The following LFNG variants were observed in gnomAD, a reference collection of about 807,000 sequenced individuals.
The protein encoded by LFNG is LFNG O-fucosylpeptide 3-beta-N-acetylglucosaminyltransferase.
LFNG carries 15 observed loss-of-function variants against 32.7 expected under a neutral mutation model. That is an observed-to-expected ratio of 0.46 (90% CI 0.31 to 0.71). The LOEUF (loss-of-function observed/expected upper bound fraction) is 0.71. Ranked by LOEUF, LFNG falls within the 30% of genes least tolerant of loss-of-function variation. LFNG has a pLI of 0.06. For synonymous variants in LFNG, 274 were observed against 246.8 expected, an observed-to-expected ratio of 1.11 and a Z score of -1.03; for missense variants, 520 against 545.7, an observed-to-expected ratio of 0.95 and a Z score of 0.47.
upstream of LFNG, among the ~76,000 whole-genome samples, chr7:2,513,940 G>A (rs1275633381): frequency 2.6e-5 from 4 of 152,380 alleles, no homozygotes; most frequent in East Asian, 7.7e-4. Flanking sequence ...ACAAGCCCTG[G>A]CCTCCAGGCT....
chr7:2,514,277 G>T (rs117393447), upstream of LFNG, among the ~76,000 whole-genome samples: 1 of 152,356 alleles, frequency 6.6e-6, no homozygotes, highest in East Asian at 1.9e-4. Flanking sequence ...TGAGCCCTCT[G>T]TGTATCTGCA....
exon 1 of LFNG, chr7:2,512,666 G>C (rs1223808632): frequency 1.9e-6 from 3 of 1,613,714 alleles, no homozygotes; most frequent in Non-Finnish European, 2.5e-6. Context: ...TGGATGAACA[G>C]ACAGGAAGGC....
chr7:2,513,247 A>AGATGGATGGATG (rs34637446), upstream of LFNG: 17 of 1,584,210 alleles, frequency 1.1e-5, no homozygotes, highest in African/African-American at 6.8e-5. Context: ...ACAGATGGAC[A>AGATGGATGGATG]GATGGATGGA....
At chr7:2,528,490 G>T, downstream of LFNG, 1 of 933,172 alleles carries the variant, frequency 1.1e-6, no homozygotes, top group Non-Finnish European at 1.3e-6. Flanking sequence ...CCAGGGTCAG[G>T]AGAGGCACAC....
chr7:2,518,727 T>A, upstream of LFNG: 2 of 1,291,944 alleles, frequency 1.5e-6, no homozygotes, highest in South Asian at 2.9e-5. Flanking sequence ...GAGACCCTGC[T>A]TAGGAGGGCA....
chr7:2,527,622 T>C lies in LFNG; in HGVS notation c.*410T>C. The C allele has an allele frequency of 8.5e-7, 1 of 1,171,478 alleles. No homozygotes were observed. Among genetic ancestry groups the C allele is most frequent in the Non-Finnish European group, 1.1e-6 (1 of 934,422 alleles). The allele number at this position is 1,171,478 out of a possible 1,614,324, so 72.6% of individuals were successfully genotyped here. A position where few individuals can be genotyped will look rare whatever the true frequency, so the allele number is the denominator to read the frequency against. Reference sequence around the variant, plus strand: ...CTGACCACAAGCTCTGTGCTGGGGGTACCTGTGCCCTGAAGTCCTGGCCCC... The same window carrying C: ...CTGACCACAAGCTCTGTGCTGGGGGCACCTGTGCCCTGAAGTCCTGGCCCC... On this transcript the variant is annotated 3_prime_UTR_variant, in exon 8 of 8. Transcript: ENST00000222725. This position sits in a 1 kb window ranked among gnomAD's most constrained non-coding sequence, Gnocchi z 4.4.
At position 2,528,092 on chromosome 7, in the gene LFNG, CTTATT is replaced by C. The variant is rs1780050193; in HGVS notation, c.*885_*889del. On this transcript the variant is annotated 3_prime_UTR_variant, in exon 8 of 8. Transcript: ENST00000222725. ...TGGGAGGGTGGGGGTGGGGGAGGGT[CTTATT>C]TTATCTTATCTTTTCTGTGGATCAG... 1.0e-6 allele frequency: 1 copy of C among 984,410 alleles called. No homozygotes were observed. The highest frequency in any genetic ancestry group is 1.2e-6 in the Non-Finnish European group (1 of 829,254). 61.0% of individuals were successfully genotyped at this position (984,410 alleles called of 1,614,324 possible).
chr7:2,524,880 G>C, intron 2 of LFNG, 137 bp downstream of exon 2: 1 of 803,434 alleles, frequency 1.2e-6, no homozygotes, highest in Admixed American at 2.2e-5. Flanking sequence ...CATGGGGTTT[G>C]CTCCATGCCC....
Position 2,527,440 on chromosome 7 carries a change from C to G in LFNG, c.*228C>G, listed in dbSNP as rs934796069. On this transcript the variant is annotated 3_prime_UTR_variant, in exon 8 of 8. Transcript: ENST00000222725. The surrounding 1 kb of genome is among the most constrained non-coding windows in gnomAD (Gnocchi z 4.4). ...CAGCGCCACTTATGTGCCTCTGCTCCGAGGGCCAGTGGGCTGCAGGGCCTG... is the reference window on the plus strand; with the variant it reads ...CAGCGCCACTTATGTGCCTCTGCTCGGAGGGCCAGTGGGCTGCAGGGCCTG... 1.4e-6 allele frequency: 2 copies of G among 1,438,478 alleles called. No individual in the cohort carries two copies. Among genetic ancestry groups the G allele is most frequent in the Middle Eastern group, 2.6e-4 (1 of 3,860 alleles). 89.1% of individuals were successfully genotyped at this position (1,438,478 alleles called of 1,614,324 possible). A position where few individuals can be genotyped will look rare whatever the true frequency, so the allele number is the denominator to read the frequency against.
chr7:2,520,365 T>C lies in LFNG; in HGVS notation c.432+72T>C, dbSNP rs988343151. On this transcript the variant is annotated intron_variant, in intron 1 of 7. Transcript: ENST00000222725. The surrounding 1 kb of genome is among the most constrained non-coding windows in gnomAD (Gnocchi z 5.0). ...CACCATCTGGTCCAGCTGGTGGCAG[T>C]GTCCCATGGGAGTCAGGCTGCATCC... is the stretch of plus-strand genomic sequence containing the variant. 41 of 1,385,522 alleles carry C rather than the reference T, an allele frequency of 3.0e-5. No homozygotes were observed. Among genetic ancestry groups the C allele is most frequent in the Non-Finnish European group, 3.6e-5 (36 of 999,522 alleles). 85.8% of individuals were successfully genotyped at this position (1,385,522 alleles called of 1,614,324 possible). A position where few individuals can be genotyped will look rare whatever the true frequency, so the allele number is the denominator to read the frequency against.
At chr7:2,519,477 C>G (rs1240467538), upstream of LFNG, among the ~76,000 whole-genome samples, 3 of 152,010 alleles carry the variant, frequency 2.0e-5, no homozygotes, top group Non-Finnish European at 4.4e-5. Flanking sequence ...CGGCGCTGGC[C>G]AGGCTGGGTT....
intron 2 of LFNG, 48 bp from the exon 3 acceptor site, chr7:2,525,171 C>T (rs779016394): frequency 3.9e-6 from 6 of 1,542,238 alleles, no homozygotes; most frequent in East Asian, 2.3e-5. Context: ...CCAGGCCCCT[C>T]TCTGGGAGCC....
upstream of LFNG, among the ~76,000 whole-genome samples, chr7:2,519,336 G>C (rs920346626): frequency 6.6e-6 from 1 of 152,214 alleles, no homozygotes; most frequent in Non-Finnish European, 1.5e-5. Context: ...GTGCTCAGGA[G>C]GGGAAGCGCA....
chr7:2,525,083 G>A (rs1327646183), intron 2 of LFNG, 136 bp from the exon 3 acceptor site: 6 of 801,538 alleles, frequency 7.5e-6, no homozygotes, highest in South Asian at 4.6e-5. Flanking sequence ...AGCTAGGGTG[G>A]GGGAGGCTAC....
upstream of LFNG, chr7:2,517,771 G>A (rs1317195808): frequency 3.9e-6 from 3 of 764,788 alleles, no homozygotes; most frequent in Non-Finnish European, 5.9e-6. Flanking sequence ...AGGGGATTGA[G>A]GAGGGATTGG....
upstream of LFNG, among the ~76,000 whole-genome samples, chr7:2,519,504 C>T (rs1203886047): frequency 2.6e-5 from 4 of 151,672 alleles, no homozygotes; most frequent in African/African-American, 9.7e-5. Context: ...TCAGGGACAC[C>T]GGCGCGGGCC....
chr7:2,515,076 GTCCA>G (rs576526637), upstream of LFNG, among the ~76,000 whole-genome samples: 66 of 129,278 alleles, frequency 5.1e-4, no homozygotes, highest in Middle Eastern at 5.7e-3. Flanking sequence ...CTGTCCATCC[GTCCA>G]TCCATCCATC....
At chr7:2,515,086 C>T (rs1338815504), upstream of LFNG, among the ~76,000 whole-genome samples, 2 of 151,666 alleles carry the variant, frequency 1.3e-5, no homozygotes, top group Non-Finnish European at 2.9e-5. Flanking sequence ...GTCCATCCAT[C>T]CATCCATCCG....
chr7:2,526,901 G>C lies in LFNG; in HGVS notation c.1053G>C (p.Ser351=), dbSNP rs751281684. Residue 351 remains serine (S), a synonymous_variant, in exon 7 of 8, where the codon TCG becomes TCC. Transcript: ENST00000222725. This position sits in a 1 kb window ranked among gnomAD's most constrained non-coding sequence, Gnocchi z 6.9. The stretch of plus-strand genomic sequence containing the variant: ...CCGTCCACGTGAAGGGGCCCTTCTC[G>C]GTGGAGGCCGACCCATCCAGGTAAG... ...RNAVHVKGPF[S]VEADPSRFRS... 5 of 1,612,648 alleles carry C rather than the reference G, an allele frequency of 3.1e-6. No individual in the cohort carries two copies. Among genetic ancestry groups the C allele is most frequent in the Middle Eastern group, 3.3e-4 (2 of 6,062 alleles).
Sources: gnomAD v4.1 joint callset for allele counts (sites outside exome capture counted in the v4.1 genomes callset) on GRCh38, gnomAD v4.1.1 for gene constraint, Gnocchi (gnomAD v3.1) non-coding constraint, MANE v1.5 for transcripts, NCBI Gene and HGNC (gene_info 2026-07-23, HGNC 2026-07-21) for gene names.